The following COL23A1 variants were observed in gnomAD, a reference collection of about 807,000 sequenced individuals.
The protein encoded by COL23A1 is collagen alpha-1(XXIII) chain.
Under a neutral mutation model 99.3 loss-of-function variants are expected in COL23A1, and 97 were observed. The ratio of observed to expected loss-of-function variants is 0.98; its 90% CI spans 0.83 to 1.16. The LOEUF (loss-of-function observed/expected upper bound fraction) is 1.16. COL23A1 is among the 50% of genes most tolerant of loss of function. The probability of loss-of-function intolerance (pLI) is 0.00; values close to 1 mark genes in which losing one functional copy is unlikely to be tolerated. For missense variants in COL23A1, 762 were observed against 757.4 expected, an observed-to-expected ratio of 1.01 and a Z score of -0.07; for synonymous variants, 320 against 308.2, an observed-to-expected ratio of 1.04 and a Z score of -0.40.
intron 5 of COL23A1, among the ~76,000 whole-genome samples, chr5:178,286,776 C>T (rs1444627822): frequency 6.6e-6 from 1 of 152,192 alleles, no homozygotes; most frequent in African/African-American, 2.4e-5. Context: ...AACAAGCCCC[C>T]TGCCCCTCCC....
chr5:178,248,058 G>T (rs775356560), intron 20 of COL23A1, 134 bp downstream of exon 20: 80 of 748,090 alleles, frequency 1.1e-4, no homozygotes, highest in Non-Finnish European at 1.7e-4. Context: ...GAGGGGTCTC[G>T]CTCCCCTTAC....
At chr5:178,286,936 TAC>T (rs1172935793) in intron 5 of COL23A1, among the ~76,000 whole-genome samples, 3 of 152,230 alleles carry the variant, frequency 2.0e-5, no homozygotes, top group Non-Finnish European at 2.9e-5. Flanking sequence ...GACCTGTGAA[TAC>T]AGAGTAACCC....
At chr5:178,263,001 GT>G (rs1399229519) in intron 9 of COL23A1, among the ~76,000 whole-genome samples, 2 of 152,200 alleles carry the variant, frequency 1.3e-5, no homozygotes, top group East Asian at 3.9e-4. Flanking sequence ...TTAGGGTTGG[GT>G]TTGGGTCTGG....
At chr5:178,350,720 C>A in intron 2 of COL23A1, 1 of 152,448 alleles carries the variant, frequency 6.6e-6, no homozygotes. Context: ...CTGGGCAGCC[C>A]TGCTGCTGTG....
At chr5:178,549,124 G>A (rs1249309090) in intron 2 of COL23A1, among the ~76,000 whole-genome samples, 2 of 152,168 alleles carry the variant, frequency 1.3e-5, no homozygotes, top group Non-Finnish European at 2.9e-5. Context: ...GCCCCGAGGA[G>A]CTGGGATAAC....
intron 2 of COL23A1, among the ~76,000 whole-genome samples, chr5:178,409,013 CACACACACAT>C (rs1389236061): frequency 7.0e-5 from 10 of 143,386 alleles, no homozygotes; most frequent in Admixed American, 1.4e-4. Flanking sequence ...CACACACACA[CACACACACAT>C]CATGTGGCTG....
At chr5:178,576,785 G>C (rs919546807) in intron 1 of COL23A1, among the ~76,000 whole-genome samples, 4 of 151,934 alleles carry the variant, frequency 2.6e-5, no homozygotes, top group Non-Finnish European at 5.9e-5. Context: ...CCGGCCTCTC[G>C]GTCCTGTCCT....
intron 5 of COL23A1, among the ~76,000 whole-genome samples, chr5:178,275,676 C>T (rs1475287958): frequency 1.3e-5 from 2 of 152,190 alleles, no homozygotes; most frequent in Non-Finnish European, 2.9e-5. Context: ...TTAACTGCTC[C>T]GTAGATACCA....
chr5:178,269,328 CATGT>C (rs1441220193), intron 6 of COL23A1, among the ~76,000 whole-genome samples: 3,512 of 125,802 alleles, frequency 0.028, 64 homozygotes, highest in Non-Finnish European at 0.037. Context: ...TCCATCCATC[CATGT>C]ATCCATCCAT....
At chr5:178,485,348 G>A (rs933758799) in intron 2 of COL23A1, among the ~76,000 whole-genome samples, 2 of 151,864 alleles carry the variant, frequency 1.3e-5, no homozygotes, top group African/African-American at 4.8e-5. Flanking sequence ...GGTGGTGTGT[G>A]CCTGTAGTCC....
At chr5:178,355,184 T>C (rs1263262961) in intron 2 of COL23A1, among the ~76,000 whole-genome samples, 2 of 152,202 alleles carry the variant, frequency 1.3e-5, no homozygotes, top group Non-Finnish European at 2.9e-5. Flanking sequence ...ATTGGTTATA[T>C]GCAAATACTA....
At chr5:178,560,374 C>A (rs1431167356) in intron 2 of COL23A1, among the ~76,000 whole-genome samples, 2 of 152,114 alleles carry the variant, frequency 1.3e-5, no homozygotes, top group East Asian at 3.9e-4. Context: ...CAGTTCACAC[C>A]CCTTTCTCCA....
At chr5:178,546,055 G>A (rs190956345) in intron 2 of COL23A1, among the ~76,000 whole-genome samples, 11 of 151,948 alleles carry the variant, frequency 7.2e-5, no homozygotes, top group Non-Finnish European at 1.3e-4. Context: ...CCAAGGAGCC[G>A]GGAGGCTGCC....
intron 2 of COL23A1, among the ~76,000 whole-genome samples, chr5:178,398,320 C>CT (rs538685106): frequency 1.1e-4 from 17 of 152,016 alleles, no homozygotes; most frequent in East Asian, 1.9e-4. Context: ...AAAAATTATT[C>CT]TTTTTTTTAT....
rs1306078982 is a variant in COL23A1 at position 178,307,634 on chromosome 5, TGAA to T, written c.362-718_362-716del. ...CCTGAGACCAGAGTAACCTCAGCGC[TGAA>T]GGAGACGCTTTGACTCTGGCCGTGG... On this transcript the variant is annotated intron_variant, in intron 2 of 28. Transcript: ENST00000390654. The surrounding 1 kb of genome is among the most constrained non-coding windows in gnomAD (Gnocchi z 4.2). Among the ~76,000 whole-genome samples the T allele has an allele frequency of 1.3e-5, 2 of 152,244 alleles. No homozygotes were observed. The highest frequency in any genetic ancestry group is 4.8e-5 in the African/African-American group (2 of 41,470).
chr5:178,534,458 A>ACTG (rs1159854606), intron 2 of COL23A1, among the ~76,000 whole-genome samples: 1 of 152,180 alleles, frequency 6.6e-6, no homozygotes, highest in Non-Finnish European at 1.5e-5. Context: ...CACTGGGCTC[A>ACTG]GCCCCATCGC....
Position 178,384,383 on chromosome 5 carries a change from A to ACAC in COL23A1, c.362-77465_362-77464insGTG, listed in dbSNP as rs1271279148. Among the ~76,000 whole-genome samples, 1 of 152,234 alleles carries ACAC rather than the reference A, an allele frequency of 6.6e-6. No individual in the cohort carries two copies. Among genetic ancestry groups the ACAC allele is most frequent in the African/African-American group, 2.4e-5 (1 of 41,470 alleles). ...GCTGCTCAGTCTTGACATGAGGTGA[A>ACAC]GCCTCAGGAAAGCCCGGGGCTGTTC... On this transcript the variant is annotated intron_variant, in intron 2 of 28. Transcript: ENST00000390654. This position sits in a 1 kb window ranked among gnomAD's most constrained non-coding sequence, Gnocchi z 5.5.
Position 178,242,100 on chromosome 5 carries a change from C to T in COL23A1, c.1523G>A (p.Gly508Glu). The T allele has an allele frequency of 6.4e-7, 1 of 1,553,664 alleles. No individual in the cohort carries two copies. Among genetic ancestry groups the T allele is most frequent in the Non-Finnish European group, 8.7e-7 (1 of 1,148,250 alleles). Reference protein sequence around the residue: ...KGERGVPGRKGVKGQKGEPGP... With the variant: ...KGERGVPGRKEVKGQKGEPGP... ...CGGCTCGCCCTTCTGGCCCTTCACT[C>T]CTTTCCGGCCGGGGACCCCTCGTTC... Residue 508 changes from glycine to glutamate, a missense_variant, in exon 27 of 29, where the codon GGA (glycine) becomes GAA (glutamate). By Grantham distance (98) the Gly-to-Glu change is moderately conservative. Transcript: ENST00000390654.
rs530453855 is a variant in COL23A1 at position 178,464,040 on chromosome 5, C to T, written c.361+96642G>A. Among the ~76,000 whole-genome samples, 4 of 152,312 alleles carry T rather than the reference C, an allele frequency of 2.6e-5. No homozygotes were observed. In the East Asian group the frequency reaches 7.7e-4, roughly 29 times the overall value. On this transcript the variant is annotated intron_variant, in intron 2 of 28. Coordinates refer to ENST00000390654, the MANE Select transcript of COL23A1 (RefSeq NM_173465.4). ...GTTGGCAGGAGCTGTTCACCTACCC[C>T]CTTTTACTGCCGTAACATACACATA...
Sources: gnomAD v4.1 joint callset for allele counts (sites outside exome capture counted in the v4.1 genomes callset) on GRCh38, gnomAD v4.1.1 for gene constraint, Gnocchi (gnomAD v3.1) non-coding constraint, MANE v1.5 for transcripts, NCBI Gene and HGNC (gene_info 2026-07-23, HGNC 2026-07-21) for gene names.